The following SULT1E1 variants were observed in gnomAD, a reference collection of about 807,000 sequenced individuals.
The protein encoded by SULT1E1 is sulfotransferase 1E1.
Under a neutral mutation model 33.6 loss-of-function variants are expected in SULT1E1, and 36 were observed. The observed-to-expected ratio is 1.07, with a 90% CI of 0.82 to 1.41. The LOEUF is 1.41. SULT1E1 is among the 40% of genes most tolerant of loss of function. The probability of loss-of-function intolerance (pLI) is 0.00; values close to 1 mark genes in which losing one functional copy is unlikely to be tolerated. For missense variants in SULT1E1, 371 were observed against 345.7 expected, an observed-to-expected ratio of 1.07 and a Z score of -0.58; for synonymous variants, 121 against 111.7, an observed-to-expected ratio of 1.08 and a Z score of -0.53.
At position 69,841,940 on chromosome 4, in the gene SULT1E1, G is replaced by T; in HGVS notation, c.*54C>A. On this transcript the variant is annotated 3_prime_UTR_variant, in exon 8 of 8. Transcript: ENST00000226444. ...GCAATCTAAAATAAGAAAAAGTGGA[G>T]AATAATGAAAAGAAATCTTTAATAT... 1.1e-6 allele frequency: 1 copy of T among 934,716 alleles called. No homozygotes were observed. The highest frequency in any genetic ancestry group is 1.6e-6 in the Non-Finnish European group (1 of 607,948). The allele number at this position is 934,716 out of a possible 1,614,324, so 57.9% of individuals were successfully genotyped here.
the SULT1E1 span, among the ~76,000 whole-genome samples, chr4:69,835,107 T>C: frequency 1.3e-5 from 2 of 152,234 alleles, no homozygotes; most frequent in Non-Finnish European, 2.9e-5. Context: ...TAAACTCTTT[T>C]ACCTAGTCCT....
rs776589533 is a variant in SULT1E1 at position 69,849,410 on chromosome 4, A to T, written c.496+27T>A. 2.5e-6 allele frequency: 4 copies of T among 1,601,806 alleles called. No homozygotes were observed. The African/African-American group carries it at 5.4e-5, about 22-fold the overall frequency. ...TTTGTCTTATAAAACCTTGAAAAAA[A>T]ATTCAGTGTAAAGAAGCTGTTCCTA... On this transcript the variant is annotated intron_variant, in intron 5 of 7. Coordinates refer to ENST00000226444, the MANE Select transcript of SULT1E1 (RefSeq NM_005420.3).
chr4:69,852,680 G>C (rs1721150934), intron 4 of SULT1E1, among the ~76,000 whole-genome samples: 1 of 151,948 alleles, frequency 6.6e-6, no homozygotes, highest in South Asian at 2.1e-4. Flanking sequence ...CAAATATCCT[G>C]TATCTATTTG....
At chr4:69,844,128 C>T (rs1377455780) in intron 7 of SULT1E1, 33 bp downstream of exon 7, 2 of 1,608,834 alleles carry the variant, frequency 1.2e-6, no homozygotes, top group East Asian at 2.2e-5. Flanking sequence ...TTGTGACTTC[C>T]TCTAGTATCG....
At chr4:69,832,472 C>CT in the SULT1E1 span, among the ~76,000 whole-genome samples, 7 of 152,222 alleles carry the variant, frequency 4.6e-5, no homozygotes, top group African/African-American at 1.7e-4. Flanking sequence ...TGTCCAAAGA[C>CT]TGGGCCCCGA....
the SULT1E1 span, among the ~76,000 whole-genome samples, chr4:69,831,083 C>T: frequency 6.6e-6 from 1 of 152,136 alleles, no homozygotes; most frequent in African/African-American, 2.4e-5. Context: ...AGGCTGGGAG[C>T]ATGTACCCAC....
the SULT1E1 span, among the ~76,000 whole-genome samples, chr4:69,824,200 C>T: frequency 6.6e-6 from 1 of 152,302 alleles, no homozygotes; most frequent in African/African-American, 2.4e-5. Context: ...AGTTCATTAG[C>T]TTCCTGTGCC....
chr4:69,854,323 T>TA lies in SULT1E1; in HGVS notation c.272-10dup, dbSNP rs749228355. 5.0e-6 allele frequency: 8 copies of TA among 1,587,310 alleles called. No individual in the cohort carries two copies. In the South Asian group the frequency reaches 8.0e-5, roughly 16 times the overall value. ...ATCTAATTGTTTTACTCCTGATTTT[T>TA]AAAAAAGTAAAGGTTAAGCAACTTC... is the stretch of plus-strand genomic sequence containing the variant. On this transcript the variant is annotated splice_polypyrimidine_tract_variant and intron_variant, in intron 3 of 7. Transcript: ENST00000226444.
intron 4 of SULT1E1, 127 bp downstream of exon 4, chr4:69,854,090 A>G: frequency 1.8e-6 from 1 of 556,112 alleles, no homozygotes; most frequent in East Asian, 3.0e-5. Context: ...GACTGTATTT[A>G]TTCCACATTT....
chr4:69,849,617 C>T (rs1560555951), intron 4 of SULT1E1, 54 bp from the exon 5 acceptor site: 4 of 1,476,948 alleles, frequency 2.7e-6, no homozygotes, highest in Non-Finnish European at 3.6e-6. Flanking sequence ...CAAACAGTCT[C>T]ATCAAGATTT....
At chr4:69,854,611 CT>C (rs1445949537) in intron 3 of SULT1E1, among the ~76,000 whole-genome samples, 1 of 151,538 alleles carries the variant, frequency 6.6e-6, no homozygotes, top group Non-Finnish European at 1.5e-5. Flanking sequence ...ATAATACTTA[CT>C]ATGAAAGAAA....
chr4:69,842,225 TA>T, intron 7 of SULT1E1, 119 bp from the exon 8 acceptor site: 2 of 645,952 alleles, frequency 3.1e-6, no homozygotes, highest in South Asian at 3.7e-5. Context: ...TTCTCAATTT[TA>T]AGAATCAAAT....
intron 2 of SULT1E1, among the ~76,000 whole-genome samples, chr4:69,856,113 T>C (rs1225524707): frequency 6.6e-6 from 1 of 152,192 alleles, no homozygotes; most frequent in East Asian, 1.9e-4. Flanking sequence ...AAGAAACAGT[T>C]CTACCAGGCA....
chr4:69,857,136 TGAAA>T (rs1293314138), intron 2 of SULT1E1, among the ~76,000 whole-genome samples: 1 of 152,124 alleles, frequency 6.6e-6, no homozygotes, highest in Admixed American at 6.6e-5. Flanking sequence ...GCTGGTGAGC[TGAAA>T]GAGAGTTTTA....
At position 69,854,211 on chromosome 4, in the gene SULT1E1, G is replaced by A; in HGVS notation, c.369+6C>T. 1 of 1,607,246 alleles carries A rather than the reference G, an allele frequency of 6.2e-7. No homozygotes were observed. Among genetic ancestry groups the A allele is most frequent in the African/African-American group, 1.3e-5 (1 of 74,872 alleles). ...TGAAGTTTTGAGAACACTTGACTCT[G>A]GTTACCTTACAATCCTTTTCCCAAA... On this transcript the variant is annotated splice_donor_region_variant and intron_variant, in intron 4 of 7. Coordinates refer to ENST00000226444, the MANE Select transcript of SULT1E1 (RefSeq NM_005420.3).
downstream of SULT1E1, among the ~76,000 whole-genome samples, chr4:69,838,723 C>T (rs1720834525): frequency 6.6e-6 from 1 of 152,104 alleles, no homozygotes; most frequent in Non-Finnish European, 1.5e-5. Context: ...GATCAGAGGT[C>T]TGATAGAGAG....
chr4:69,853,147 T>C (rs945147077), intron 4 of SULT1E1, among the ~76,000 whole-genome samples: 4 of 152,070 alleles, frequency 2.6e-5, no homozygotes, highest in African/African-American at 9.7e-5. Context: ...CTGGGATATA[T>C]CCCCTTTTTG....
At chr4:69,856,893 G>T (rs1220462161) in intron 2 of SULT1E1, among the ~76,000 whole-genome samples, 2 of 121,458 alleles carry the variant, frequency 1.6e-5, no homozygotes, top group African/African-American at 6.2e-5. Flanking sequence ...CAGAGATCGC[G>T]CCACTGCACT....
rs780408556 is a variant in SULT1E1, at chr4:69,857,461, G to T, written c.145+39C>A. 2.5e-6 allele frequency: 4 copies of T among 1,573,004 alleles called. No individual in the cohort carries two copies. The African/African-American group carries it at 4.1e-5, about 16-fold the overall frequency. Reference sequence around the variant, plus strand: ...AATATTTACCATTTACAGTGTGTTTGTTATTTTTAGGTGAAAAAAGAACAA... The same window carrying T: ...AATATTTACCATTTACAGTGTGTTTTTTATTTTTAGGTGAAAAAAGAACAA... On this transcript the variant is annotated intron_variant, in intron 2 of 7. Coordinates refer to ENST00000226444, the MANE Select transcript of SULT1E1 (RefSeq NM_005420.3).
Sources: gnomAD v4.1 joint callset for allele counts (sites outside exome capture counted in the v4.1 genomes callset) on GRCh38, gnomAD v4.1.1 for gene constraint, MANE v1.5 for transcripts, NCBI Gene and HGNC (gene_info 2026-07-23, HGNC 2026-07-21) for gene names.